The following CDH4 variants were observed in gnomAD, a reference collection of about 807,000 sequenced individuals.
The protein encoded by CDH4 is cadherin 4, also known as cadherin-4.
CDH4 carries 33 observed loss-of-function variants against 86.0 expected under a neutral mutation model. The observed-to-expected ratio is 0.38, with a 90% CI of 0.29 to 0.51. The LOEUF (loss-of-function observed/expected upper bound fraction) is 0.51. CDH4 is among the 20% of genes least tolerant of loss of function. The pLI is 0.86. For missense variants in CDH4, 1,114 were observed against 1,307.4 expected, an observed-to-expected ratio of 0.85 and a Z score of 2.28; for synonymous variants, 555 against 549.4, an observed-to-expected ratio of 1.01 and a Z score of -0.14.
intron 2 of CDH4, among the ~76,000 whole-genome samples, chr20:61,686,201 CTGTT>C (rs1208566527): frequency 2.0e-5 from 3 of 152,320 alleles, no homozygotes; most frequent in Admixed American, 2.0e-4. Flanking sequence ...GTTCTACAAA[CTGTT>C]TGCTAATCTG....
At chr20:61,595,801 T>G (rs1346626391) in intron 2 of CDH4, among the ~76,000 whole-genome samples, 1 of 152,120 alleles carries the variant, frequency 6.6e-6, no homozygotes, top group Non-Finnish European at 1.5e-5. Context: ...TGGGAGCACG[T>G]GGGTGGGAAA....
chr20:61,335,587 T>A (rs564890458), intron 2 of CDH4, among the ~76,000 whole-genome samples: 109 of 152,306 alleles, frequency 7.2e-4, no homozygotes, highest in Non-Finnish European at 1.3e-3. Context: ...TCTCCATGAC[T>A]CATTCAGATT....
At chr20:61,913,130 AGCCCCCG>A in intron 9 of CDH4, among the ~76,000 whole-genome samples, 1 of 152,254 alleles carries the variant, frequency 6.6e-6, no homozygotes, top group South Asian at 2.1e-4. Flanking sequence ...CACAACGGGC[AGCCCCCG>A]GCCCCAGGAG....
chr20:61,530,952 T>A (rs2085947050), intron 2 of CDH4, among the ~76,000 whole-genome samples: 1 of 152,174 alleles, frequency 6.6e-6, no homozygotes, highest in Non-Finnish European at 1.5e-5. Context: ...TCAGGACAAC[T>A]AATATCTATG....
intron 9 of CDH4, among the ~76,000 whole-genome samples, chr20:61,922,280 C>T (rs919531034): frequency 1.3e-5 from 2 of 152,204 alleles, no homozygotes; most frequent in Admixed American, 6.5e-5. Context: ...TGCCATTGAA[C>T]GTCTCAGGGC....
chr20:61,543,414 G>A (rs2086054806), intron 2 of CDH4, among the ~76,000 whole-genome samples: 1 of 152,200 alleles, frequency 6.6e-6, no homozygotes, highest in Non-Finnish European at 1.5e-5. Context: ...AAAAGTGACA[G>A]TTTCTTTTGT....
At chr20:61,318,982 G>A (rs1016544857) in intron 2 of CDH4, among the ~76,000 whole-genome samples, 11 of 152,200 alleles carry the variant, frequency 7.2e-5, no homozygotes, top group Admixed American at 2.0e-4. Context: ...ACCACACACT[G>A]ATATGGAGAT....
intron 2 of CDH4, among the ~76,000 whole-genome samples, chr20:61,563,528 G>A (rs998785827): frequency 1.3e-5 from 2 of 152,206 alleles, no homozygotes; most frequent in Non-Finnish European, 2.9e-5. Flanking sequence ...GTGCAGGGTG[G>A]TAGCTGCTGC....
At position 61,829,688 on chromosome 20, in the gene CDH4, G is replaced by A. The variant is rs1195029742; in HGVS notation, c.577-14980G>A. 6.6e-6 allele frequency among the ~76,000 whole-genome samples: 1 copy of A among 152,150 alleles called. No individual in the cohort carries two copies. Among genetic ancestry groups the A allele is most frequent in the Admixed American group, 6.5e-5 (1 of 15,286 alleles). On this transcript the variant is annotated intron_variant, in intron 4 of 15. Transcript: ENST00000614565. This position sits in a 1 kb window ranked among gnomAD's most constrained non-coding sequence, Gnocchi z 4.2. ...CTGGGGACGGACTTGGACTCCAGGA[G>A]CCCCCAGGAGGCTCCCTCTGTGCCG...
intron 7 of CDH4, among the ~76,000 whole-genome samples, chr20:61,890,004 G>A: frequency 6.6e-6 from 1 of 151,396 alleles, no homozygotes; most frequent in East Asian, 2.0e-4. Context: ...CTGATGGATG[G>A]GTGGATGGAT....
intron 2 of CDH4, among the ~76,000 whole-genome samples, chr20:61,347,606 G>A (rs553839560): frequency 2.6e-5 from 4 of 152,288 alleles, no homozygotes; most frequent in South Asian, 2.1e-4. Flanking sequence ...TAGTGTGAGC[G>A]CTGAGAGACA....
At chr20:61,580,172 T>C (rs1335959567) in intron 2 of CDH4, among the ~76,000 whole-genome samples, 1 of 151,864 alleles carries the variant, frequency 6.6e-6, no homozygotes, top group Non-Finnish European at 1.5e-5. Flanking sequence ...TCTGCTTTTC[T>C]GGCCAGGCGC....
chr20:61,383,302 T>A (rs1279315459), intron 2 of CDH4, among the ~76,000 whole-genome samples: 1 of 63,058 alleles, frequency 1.6e-5, no homozygotes, highest in East Asian at 4.1e-4. Flanking sequence ...ATATATGTGA[T>A]ATATATGAAT....
intron 3 of CDH4, among the ~76,000 whole-genome samples, chr20:61,744,243 A>G (rs2088381310): frequency 1.3e-5 from 2 of 152,046 alleles, no homozygotes; most frequent in South Asian, 4.2e-4. Flanking sequence ...CGATGGAGAG[A>G]ATAACAGAGA....
chr20:61,262,189 G>C (rs935526293), intron 2 of CDH4, among the ~76,000 whole-genome samples: 1 of 152,184 alleles, frequency 6.6e-6, no homozygotes, highest in Non-Finnish European at 1.5e-5. Flanking sequence ...CGACTGTGCA[G>C]CTGGCCAGCC....
chr20:61,474,722 T>A (rs2085525114), intron 2 of CDH4, among the ~76,000 whole-genome samples: 1 of 152,048 alleles, frequency 6.6e-6, no homozygotes, highest in African/African-American at 2.4e-5. Flanking sequence ...AAAAAAAAAA[T>A]TCTTTTTTCT....
intron 7 of CDH4, among the ~76,000 whole-genome samples, chr20:61,877,798 G>C (rs1181728465): frequency 6.6e-6 from 1 of 152,222 alleles, no homozygotes; most frequent in Non-Finnish European, 1.5e-5. Flanking sequence ...ATCGTGGGGG[G>C]ACAGCAGAGC....
At chr20:61,386,845 G>A (rs1013076716) in intron 2 of CDH4, among the ~76,000 whole-genome samples, 6 of 152,252 alleles carry the variant, frequency 3.9e-5, no homozygotes, top group Non-Finnish European at 7.3e-5. Flanking sequence ...TCCTGAGAGA[G>A]GTCAAAGTTG....
At chr20:61,511,533 C>T (rs2085779822) in intron 2 of CDH4, among the ~76,000 whole-genome samples, 1 of 152,266 alleles carries the variant, frequency 6.6e-6, no homozygotes, top group Non-Finnish European at 1.5e-5. Context: ...CTCAAAGAAG[C>T]TTCTCTCTGC....
Sources: allele counts gnomAD v4.1 joint callset (sites outside exome capture counted in the v4.1 genomes callset), GRCh38; gene constraint gnomAD v4.1.1; non-coding constraint Gnocchi (gnomAD v3.1); transcripts MANE v1.5; gene names NCBI Gene and HGNC (gene_info 2026-07-23, HGNC 2026-07-21).